The following ETFDH variants were observed in gnomAD, a reference collection of about 807,000 sequenced individuals.
ETFDH encodes electron transfer flavoprotein dehydrogenase.
A neutral mutation model predicts 73.2 loss-of-function variants in ETFDH; 61 were observed. That is an observed-to-expected ratio of 0.83 (90% confidence interval 0.68 to 1.03). The LOEUF (loss-of-function observed/expected upper bound fraction) is 1.03. ETFDH is among the 50% of genes least tolerant of loss of function. The pLI is 0.00. For synonymous variants in ETFDH, 243 were observed against 253.3 expected, an observed-to-expected ratio of 0.96 and a Z score of 0.39; for missense variants, 685 against 745.0, an observed-to-expected ratio of 0.92 and a Z score of 0.94.
At chr4:158,697,432 AT>A in intron 7 of ETFDH, 126 bp from the exon 8 acceptor site, 2 of 805,254 alleles carry the variant, frequency 2.5e-6, no homozygotes, top group Admixed American at 2.5e-5. Context: ...GTATTCTTAT[AT>A]CACAGTTTTT....
At chr4:158,682,950 T>C (rs1317835059) in intron 3 of ETFDH, among the ~76,000 whole-genome samples, 1 of 152,250 alleles carries the variant, frequency 6.6e-6, no homozygotes, top group Non-Finnish European at 1.5e-5. Flanking sequence ...CATGTATTTA[T>C]GTAATGGGTA....
rs776853600 is a variant in ETFDH, at chr4:158,708,361, C to G, written c.1691-3C>G. On this transcript the variant is annotated splice_region_variant and splice_polypyrimidine_tract_variant and intron_variant, in intron 12 of 12. Coordinates refer to ENST00000511912, the MANE Select transcript of ETFDH (RefSeq NM_004453.4). ...TTCAATATTATTTATTTTTACTTTT[C>G]AGGAGTTTATGAATTTGTACCTGTG... The G allele has an allele frequency of 6.2e-7, 1 of 1,607,218 alleles. No individual in the cohort carries two copies. The highest frequency in any genetic ancestry group is 8.5e-7 in the Non-Finnish European group (1 of 1,174,146).
chr4:158,685,295 G>A, intron 5 of ETFDH, 76 bp downstream of exon 5: 1 of 813,642 alleles, frequency 1.2e-6, no homozygotes, highest in Non-Finnish European at 2.1e-6. Context: ...TTATAAAGTT[G>A]AAGAAATAAA....
chr4:158,693,305 C>T (rs536972735), intron 6 of ETFDH, among the ~76,000 whole-genome samples: 145 of 152,240 alleles, frequency 9.5e-4, no homozygotes, highest in Non-Finnish European at 1.6e-3. Context: ...TCTCTTACAG[C>T]CTTCTCTTGG....
intron 1 of ETFDH, among the ~76,000 whole-genome samples, chr4:158,673,751 G>A (rs1208382994): frequency 6.6e-6 from 1 of 152,144 alleles, no homozygotes; most frequent in Non-Finnish European, 1.5e-5. Context: ...AATCAGCCTT[G>A]GGCCCAGTGC....
At chr4:158,678,301 C>G (rs900272925) in intron 1 of ETFDH, among the ~76,000 whole-genome samples, 9 of 152,082 alleles carry the variant, frequency 5.9e-5, no homozygotes, top group African/African-American at 2.2e-4. Flanking sequence ...GTCCCAAGAC[C>G]TTTACAGTTT....
chr4:158,672,582 C>T, intron 1 of ETFDH, 92 bp downstream of exon 1: 1 of 1,267,108 alleles, frequency 7.9e-7, no homozygotes, highest in Admixed American at 1.7e-5. Context: ...CTCGCCCCTT[C>T]TCTCATCAGC....
chr4:158,683,203 C>G (rs992297243), intron 3 of ETFDH, among the ~76,000 whole-genome samples: 6 of 152,098 alleles, frequency 3.9e-5, no homozygotes, highest in African/African-American at 1.4e-4. Context: ...GGACCAAGTC[C>G]AAGTTTTATT....
chr4:158,703,825 G>A (rs971314992), intron 10 of ETFDH, among the ~76,000 whole-genome samples: 2 of 152,172 alleles, frequency 1.3e-5, no homozygotes, highest in African/African-American at 2.4e-5. Context: ...AGCCAGCCAC[G>A]GTGGCTCACG....
chr4:158,706,611 C>T lies in ETFDH; in HGVS notation c.1469-18C>T. The T allele has an allele frequency of 6.3e-7, 1 of 1,587,958 alleles. No individual in the cohort carries two copies. The highest frequency in any genetic ancestry group is 8.6e-7 in the Non-Finnish European group (1 of 1,156,182). On this transcript the variant is annotated intron_variant, in intron 11 of 12. Transcript: ENST00000511912. ...CAAAATCATATTTTGTTAAGCATTT[C>T]CCTCAAAATTGTTGAAGGTTCTGAC...
At chr4:158,672,631 G>T in intron 1 of ETFDH, 141 bp downstream of exon 1, 2 of 843,840 alleles carry the variant, frequency 2.4e-6, no homozygotes, top group South Asian at 2.9e-5. Flanking sequence ...CGCGCTGTCA[G>T]CCTGTTGGGG....
intron 8 of ETFDH, among the ~76,000 whole-genome samples, chr4:158,698,360 C>T (rs965933220): frequency 6.6e-6 from 1 of 152,172 alleles, no homozygotes; most frequent in African/African-American, 2.4e-5. Context: ...ATGTTCATCC[C>T]ATCACCTTTG....
chr4:158,684,188 G>A (rs577968454), intron 3 of ETFDH, among the ~76,000 whole-genome samples: 8 of 152,164 alleles, frequency 5.3e-5, no homozygotes, highest in African/African-American at 9.6e-5. Context: ...TCAGGAGTTC[G>A]AGACCAGCCT....
intron 3 of ETFDH, among the ~76,000 whole-genome samples, chr4:158,682,754 C>T (rs1202660345): frequency 6.6e-6 from 1 of 151,938 alleles, no homozygotes; most frequent in African/African-American, 2.4e-5. Context: ...AGACTGGTCT[C>T]GAACTCCTGA....
At chr4:158,675,108 C>G (rs940783429) in intron 1 of ETFDH, among the ~76,000 whole-genome samples, 2 of 152,102 alleles carry the variant, frequency 1.3e-5, no homozygotes, top group African/African-American at 4.8e-5. Flanking sequence ...ATGGACAATT[C>G]AATGGTTTTT....
At chr4:158,683,566 A>G (rs1773920229) in intron 3 of ETFDH, among the ~76,000 whole-genome samples, 1 of 152,202 alleles carries the variant, frequency 6.6e-6, no homozygotes, top group African/African-American at 2.4e-5. Context: ...TTTTCATGTT[A>G]AAGCCCTTTA....
intron 1 of ETFDH, among the ~76,000 whole-genome samples, chr4:158,678,170 T>C (rs1433285121): frequency 6.6e-6 from 1 of 152,224 alleles, no homozygotes; most frequent in Admixed American, 6.5e-5. Flanking sequence ...TTAATTAAAC[T>C]ACAGATTTTA....
chr4:158,703,358 G>C, intron 9 of ETFDH, 65 bp from the exon 10 acceptor site: 1 of 1,080,174 alleles, frequency 9.3e-7, no homozygotes, highest in Admixed American at 1.7e-5. Context: ...AGACTGATTT[G>C]GAGTATTCTG....
Position 158,690,436 on chromosome 4 carries a change from T to C in ETFDH, c.684+11T>C, listed in dbSNP as rs199520907. 9 of 1,466,314 alleles carry C rather than the reference T, an allele frequency of 6.1e-6. No homozygotes were observed. Among genetic ancestry groups the C allele is most frequent in the Non-Finnish European group, 8.6e-6 (9 of 1,045,198 alleles). 90.8% of individuals were successfully genotyped at this position (1,466,314 alleles called of 1,614,324 possible). On this transcript the variant is annotated intron_variant, in intron 6 of 12. Coordinates refer to ENST00000511912, the MANE Select transcript of ETFDH (RefSeq NM_004453.4). ...GATGGTGCACCAAAGGTAAACCTTT[T>C]TAATAGTTACGTGCTTAATAAAGCG... is the stretch of plus-strand genomic sequence containing the variant.
Sources: gnomAD v4.1 joint callset for allele counts (sites outside exome capture counted in the v4.1 genomes callset) on GRCh38, gnomAD v4.1.1 for gene constraint, MANE v1.5 for transcripts, NCBI Gene and HGNC (gene_info 2026-07-23, HGNC 2026-07-21) for gene names.